LMBR1: variants seen among roughly 807,000 people sequenced by gnomAD.
LMBR1 encodes the protein limb region 1 protein homolog.
In LMBR1, 52 loss-of-function variants were observed where a neutral mutation model predicts 73.9. The observed-to-expected ratio is 0.70, with a 90% CI of 0.56 to 0.89. The LOEUF (loss-of-function observed/expected upper bound fraction) is 0.89, where lower values mean the gene tolerates loss of function less well. Among genes scored for constraint, LMBR1 ranks in the 40% least tolerant of loss-of-function variants. LMBR1 has a pLI of 0.00. For missense variants in LMBR1, 539 were observed against 579.8 expected, an observed-to-expected ratio of 0.93 and a Z score of 0.72; for synonymous variants, 215 against 209.4, an observed-to-expected ratio of 1.03 and a Z score of -0.23.
intron 10 of LMBR1, among the ~76,000 whole-genome samples, chr7:156,732,171 G>C (rs1288342920): frequency 6.6e-6 from 1 of 152,072 alleles, no homozygotes; most frequent in African/African-American, 2.4e-5. Flanking sequence ...CATCCAGCTT[G>C]AAACAATTAA....
chr7:156,879,019 T>A (rs1800645560), intron 1 of LMBR1, among the ~76,000 whole-genome samples: 1 of 152,196 alleles, frequency 6.6e-6, no homozygotes, highest in Non-Finnish European at 1.5e-5. Context: ...TGGATCCTCA[T>A]CTCTCACCTT....
chr7:156,672,369 A>G (rs1802734286), intron 4 of LMBR1, among the ~76,000 whole-genome samples: 1 of 152,148 alleles, frequency 6.6e-6, no homozygotes, highest in Middle Eastern at 3.2e-3. Flanking sequence ...CCCCAGGACT[A>G]ATAAAGGAGA....
At chr7:156,844,756 T>C (rs1269421484) in intron 1 of LMBR1, among the ~76,000 whole-genome samples, 1 of 152,158 alleles carries the variant, frequency 6.6e-6, no homozygotes, top group Non-Finnish European at 1.5e-5. Flanking sequence ...ATGCATGTCC[T>C]ACTGTGCTAG....
intron 1 of LMBR1, among the ~76,000 whole-genome samples, chr7:156,843,077 A>G (rs768385782): frequency 2.0e-4 from 30 of 152,212 alleles, no homozygotes; most frequent in Non-Finnish European, 3.8e-4. Flanking sequence ...GCTGAGCTCT[A>G]TGCAGCAACT....
chr7:156,796,932 C>T (rs1051957045), intron 4 of LMBR1, among the ~76,000 whole-genome samples: 1 of 152,126 alleles, frequency 6.6e-6, no homozygotes, highest in Non-Finnish European at 1.5e-5. Flanking sequence ...ATTTATTGAG[C>T]CCTTATGTGC....
rs1171927334 is a variant in LMBR1 at position 156,678,363 on chromosome 7, A to G, written c.*5715T>C. The G allele has an allele frequency of 6.6e-6, 1 of 152,250 alleles. No homozygotes were observed. Among genetic ancestry groups the G allele is most frequent in the Non-Finnish European group, 1.5e-5 (1 of 68,048 alleles). The allele number at this position is 152,250 out of a possible 1,614,324, so 9.4% of individuals were successfully genotyped here. A position where few individuals can be genotyped will look rare whatever the true frequency, so the allele number is the denominator to read the frequency against. ...GGTCCAGGGCAGCCTGTGACAGTTA[A>G]CAGAAAATCAGGCAATTTTCTTACT... On this transcript the variant is annotated 3_prime_UTR_variant, in exon 17 of 17. Transcript: ENST00000353442.
chr7:156,854,957 A>G (rs760055352), intron 1 of LMBR1, among the ~76,000 whole-genome samples: 5 of 152,244 alleles, frequency 3.3e-5, no homozygotes, highest in Non-Finnish European at 7.3e-5. Flanking sequence ...TCACACATAC[A>G]TAAACATAAA....
At chr7:156,762,436 A>C (rs980107792) in intron 7 of LMBR1, among the ~76,000 whole-genome samples, 24 of 152,226 alleles carry the variant, frequency 1.6e-4, no homozygotes, top group African/African-American at 5.8e-4. Context: ...ATGTGACAAC[A>C]AAAAAAGGCT....
At chr7:156,737,537 C>A (rs1271323367) in intron 9 of LMBR1, among the ~76,000 whole-genome samples, 1 of 152,152 alleles carries the variant, frequency 6.6e-6, no homozygotes, top group Non-Finnish European at 1.5e-5. Flanking sequence ...TTTGGAACTC[C>A]TCTAAGTTGG....
At chr7:156,790,079 T>C (rs927585326) in intron 5 of LMBR1, among the ~76,000 whole-genome samples, 3 of 152,098 alleles carry the variant, frequency 2.0e-5, no homozygotes, top group Admixed American at 6.5e-5. Context: ...AGTTATCTAT[T>C]AAACAAATAC....
At chr7:156,730,006 T>C (rs190082351) in intron 10 of LMBR1, among the ~76,000 whole-genome samples, 26 of 152,328 alleles carry the variant, frequency 1.7e-4, no homozygotes, top group African/African-American at 6.3e-4. Context: ...TACTACACCT[T>C]CTTCTGCAAG....
At position 156,683,989 on chromosome 7, in the gene LMBR1, T is replaced by A. The variant is rs3735186; in HGVS notation, c.*89A>T. On this transcript the variant is annotated 3_prime_UTR_variant, in exon 17 of 17. Coordinates refer to ENST00000353442, the MANE Select transcript of LMBR1 (RefSeq NM_022458.4). ...TCTAGGTTCTGAAGAGGGGCCACGG[T>A]TGAATGGAAATGCTTCTACATGGGA... 0.11 allele frequency: 119,805 copies of A among 1,088,158 alleles called. 7,510 individuals carry two copies. The highest frequency in any genetic ancestry group is 0.23 in the East Asian group (9,522 of 42,194). 67.4% of individuals were successfully genotyped at this position (1,088,158 alleles called of 1,614,324 possible).
At chr7:156,783,998 GTTTT>G (rs59262090) in intron 5 of LMBR1, among the ~76,000 whole-genome samples, 1 of 135,962 alleles carries the variant, frequency 7.4e-6, no homozygotes, top group Non-Finnish European at 1.6e-5. Context: ...GTTTTTTTCT[GTTTT>G]TTTTTTTTTT....
At chr7:156,763,559 C>T (rs974253647) in intron 6 of LMBR1, 110 bp downstream of exon 6, 4 of 856,416 alleles carry the variant, frequency 4.7e-6, no homozygotes, top group Non-Finnish European at 6.8e-6. Context: ...TAACATCAAA[C>T]ATCTTTGTTA....
intron 5 of LMBR1, among the ~76,000 whole-genome samples, chr7:156,791,001 A>C (rs1829125381): frequency 6.6e-6 from 1 of 152,192 alleles, no homozygotes. Flanking sequence ...ACCATTTCTA[A>C]GGTAAAAACT....
Position 156,769,273 on chromosome 7 carries a change from C to T in LMBR1, c.424-5478G>A, listed in dbSNP as rs546513589. On this transcript the variant is annotated intron_variant, in intron 5 of 16. Transcript: ENST00000353442. Reference sequence around the variant, plus strand: ...GGACTGAGACTCCTTGACTCAGCAGCCACACCCATAATGCCTTCTGACTGG... The same window carrying T: ...GGACTGAGACTCCTTGACTCAGCAGTCACACCCATAATGCCTTCTGACTGG... 3.6e-4 allele frequency among the ~76,000 whole-genome samples: 55 copies of T among 152,282 alleles called. No individual in the cohort carries two copies. The highest frequency in any genetic ancestry group is 1.3e-3 in the African/African-American group (52 of 41,558).
chr7:156,884,854 C>G (rs2097802611), intron 1 of LMBR1, among the ~76,000 whole-genome samples: 1 of 152,188 alleles, frequency 6.6e-6, no homozygotes, highest in South Asian at 2.1e-4. Flanking sequence ...CCACTATTCC[C>G]AAGTGGGAAG....
At chr7:156,722,233 G>A (rs746093689) in intron 15 of LMBR1, among the ~76,000 whole-genome samples, 2 of 152,112 alleles carry the variant, frequency 1.3e-5, no homozygotes, top group Non-Finnish European at 2.9e-5. Flanking sequence ...TTCCTTGAGA[G>A]AGGCGACAAG....
chr7:156,733,197 C>A (rs546075120), intron 10 of LMBR1, among the ~76,000 whole-genome samples: 2 of 152,204 alleles, frequency 1.3e-5, no homozygotes, highest in South Asian at 4.2e-4. Context: ...AGGCACCCAA[C>A]AAGGGTAAAA....
Sources: allele counts gnomAD v4.1 joint callset (sites outside exome capture counted in the v4.1 genomes callset), GRCh38; gene constraint gnomAD v4.1.1; transcripts MANE v1.5; gene names NCBI Gene and HGNC (gene_info 2026-07-23, HGNC 2026-07-21).